The following SLC25A21 variants were observed in gnomAD, a reference collection of about 807,000 sequenced individuals.
SLC25A21 encodes mitochondrial 2-oxodicarboxylate carrier.
In SLC25A21, 47 loss-of-function variants were observed where a neutral mutation model predicts 43.8. The ratio of observed to expected loss-of-function variants is 1.07; its 90% CI spans 0.85 to 1.37. SLC25A21 has a LOEUF of 1.37. Ranked by LOEUF, SLC25A21 falls within the 40% of genes most tolerant of loss-of-function variation. SLC25A21 has a pLI of 0.00. For synonymous variants in SLC25A21, 131 were observed against 121.3 expected (o/e 1.08, Z -0.52); for missense variants, 352 against 350.2 (o/e 1.00, Z -0.04).
Position 36,847,134 on chromosome 14 carries a change from T to G in SLC25A21, c.119+27822A>C, listed in dbSNP as rs74717200. Among the ~76,000 whole-genome samples the G allele has an allele frequency of 2.7e-3, 410 of 152,326 alleles. 2 individuals are homozygous for G. Among genetic ancestry groups the G allele is most frequent in the African/African-American group, 9.4e-3 (391 of 41,580 alleles). On this transcript the variant is annotated intron_variant, in intron 2 of 9. Coordinates refer to ENST00000331299, the MANE Select transcript of SLC25A21 (RefSeq NM_030631.4). ...ATGATGAGTGCACCATATTACTTTTTAAAAATACAAAATATCTGAATTCTG... is the reference window on the plus strand; with the variant it reads ...ATGATGAGTGCACCATATTACTTTTGAAAAATACAAAATATCTGAATTCTG...
intron 1 of SLC25A21, among the ~76,000 whole-genome samples, chr14:37,039,082 T>C (rs1331842439): frequency 2.0e-5 from 3 of 152,146 alleles, no homozygotes; most frequent in Non-Finnish European, 4.4e-5. Context: ...GAACAGTTGC[T>C]AAGCAGCTAT....
At chr14:36,798,306 A>G (rs566528344) in intron 3 of SLC25A21, among the ~76,000 whole-genome samples, 4 of 152,316 alleles carry the variant, frequency 2.6e-5, no homozygotes, top group South Asian at 4.1e-4. Context: ...TTCTGTCTGG[A>G]AAGTCCCTTC....
intron 3 of SLC25A21, among the ~76,000 whole-genome samples, chr14:36,762,799 G>GC (rs1886212389): frequency 6.6e-6 from 1 of 152,180 alleles, no homozygotes; most frequent in African/African-American, 2.4e-5. Context: ...TTTGTAAAGA[G>GC]CTCACACCTG....
chr14:37,089,978 A>G (rs1448963184), intron 1 of SLC25A21, among the ~76,000 whole-genome samples: 1 of 152,202 alleles, frequency 6.6e-6, no homozygotes, highest in Non-Finnish European at 1.5e-5. Context: ...TAAAATGTGC[A>G]AAGAAACAGA....
chr14:37,042,896 C>T (rs1037737594), intron 1 of SLC25A21, among the ~76,000 whole-genome samples: 10 of 152,206 alleles, frequency 6.6e-5, no homozygotes, highest in Admixed American at 5.9e-4. Flanking sequence ...GCACTCCTGG[C>T]CCATATACTA....
rs1882414544 is a variant in SLC25A21, at chr14:36,684,007, C to A, written c.786-127G>T. On this transcript the variant is annotated intron_variant, in intron 8 of 9. Transcript: ENST00000331299. ...ATTTGGAATTACACACATCTCAAAGCAGACAGCATCTTAGTATTCTCTGCA... is the reference window on the plus strand; with the variant it reads ...ATTTGGAATTACACACATCTCAAAGAAGACAGCATCTTAGTATTCTCTGCA... 3 of 585,576 alleles carry A rather than the reference C, an allele frequency of 5.1e-6. No homozygotes were observed. In the South Asian group the frequency reaches 9.0e-5, roughly 18 times the overall value. 36.3% of individuals were successfully genotyped at this position (585,576 alleles called of 1,614,324 possible). A position where few individuals can be genotyped will look rare whatever the true frequency, so the allele number is the denominator to read the frequency against.
At chr14:36,969,745 G>A (rs1959709065) in intron 1 of SLC25A21, among the ~76,000 whole-genome samples, 1 of 151,852 alleles carries the variant, frequency 6.6e-6, no homozygotes, top group Non-Finnish European at 1.5e-5. Flanking sequence ...TACCTCCTTG[G>A]CCTCCCAAAA....
In SLC25A21 at chr14:36,680,523, T is replaced by C. The variant is rs1367378517; in HGVS notation, c.*135A>G. ...AGTTGCCTATAGACATTTTTTAAAGTATTAAAATAGATTTTGTTCTTGAAC... is the reference window on the plus strand; with the variant it reads ...AGTTGCCTATAGACATTTTTTAAAGCATTAAAATAGATTTTGTTCTTGAAC... On this transcript the variant is annotated 3_prime_UTR_variant, in exon 10 of 10. Coordinates refer to ENST00000331299, the MANE Select transcript of SLC25A21 (RefSeq NM_030631.4). 1.5e-6 allele frequency: 2 copies of C among 1,351,666 alleles called. No individual in the cohort carries two copies. Among genetic ancestry groups the C allele is most frequent in the Admixed American group, 3.0e-5 (1 of 33,846 alleles). The allele number at this position is 1,351,666 out of a possible 1,614,324, so 83.7% of individuals were successfully genotyped here.
At chr14:37,171,851 T>C (rs1964135049) in intron 1 of SLC25A21, 1 of 175,582 alleles carries the variant, frequency 5.7e-6, no homozygotes, top group Non-Finnish European at 1.2e-5. Context: ...GTAAGTACTT[T>C]GATGAGGAAT....
intron 1 of SLC25A21, among the ~76,000 whole-genome samples, chr14:37,059,705 G>T (rs1735201922): frequency 6.6e-6 from 1 of 152,198 alleles, no homozygotes; most frequent in Admixed American, 6.5e-5. Context: ...TTCTATAATG[G>T]AAGTTTTCAC....
At chr14:37,115,484 ACTC>A (rs1963091069) in intron 1 of SLC25A21, among the ~76,000 whole-genome samples, 1 of 151,944 alleles carries the variant, frequency 6.6e-6, no homozygotes, top group African/African-American at 2.4e-5. Context: ...AAAAGAGAAA[ACTC>A]TAATTTTTTA....
intron 2 of SLC25A21, among the ~76,000 whole-genome samples, chr14:36,847,396 T>C (rs890884863): frequency 2.6e-5 from 4 of 152,240 alleles, no homozygotes; most frequent in African/African-American, 9.6e-5. Flanking sequence ...AGTCATTGGT[T>C]CATTTTTTAG....
chr14:37,001,978 G>C (rs993050099), intron 1 of SLC25A21, among the ~76,000 whole-genome samples: 2 of 151,896 alleles, frequency 1.3e-5, no homozygotes, highest in Admixed American at 1.3e-4. Context: ...AGAAAATGTG[G>C]CATGAATAGT....
intron 1 of SLC25A21, among the ~76,000 whole-genome samples, chr14:37,012,698 G>A (rs1444775184): frequency 6.6e-6 from 1 of 152,152 alleles, no homozygotes; most frequent in Non-Finnish European, 1.5e-5. Context: ...GTGGTAAGCC[G>A]AATTTCCCCA....
At chr14:36,742,146 T>C (rs1002464741) in intron 3 of SLC25A21, among the ~76,000 whole-genome samples, 1 of 152,224 alleles carries the variant, frequency 6.6e-6, no homozygotes, top group African/African-American at 2.4e-5. Flanking sequence ...TATACTGAAA[T>C]ACAGATCTTG....
At chr14:36,762,288 G>C (rs959805834) in intron 3 of SLC25A21, among the ~76,000 whole-genome samples, 4 of 152,122 alleles carry the variant, frequency 2.6e-5, no homozygotes, top group African/African-American at 9.7e-5. Context: ...GAATTCTCAC[G>C]ATCACCCCAA....
chr14:36,684,960 G>A, intron 7 of SLC25A21, 35 bp from the exon 8 acceptor site: 1 of 1,569,700 alleles, frequency 6.4e-7, no homozygotes, highest in Non-Finnish European at 8.7e-7. Flanking sequence ...ACAGAAAGGG[G>A]AGCGGAAGCC....
intron 1 of SLC25A21, among the ~76,000 whole-genome samples, chr14:37,155,390 T>C (rs926641805): frequency 2.0e-5 from 3 of 152,186 alleles, no homozygotes; most frequent in Non-Finnish European, 2.9e-5. Flanking sequence ...AAAATAAGTC[T>C]AGCAGGAGAT....
chr14:37,098,207 TGTCTTTCTCTACTGTCATAACTTA>T (rs1337602324), intron 1 of SLC25A21: 1 of 152,250 alleles, frequency 6.6e-6, no homozygotes, highest in Non-Finnish European at 1.5e-5. Context: ...TTTCATCTAA[TGTCTTTCTCTACTGTCATAACTTA>T]GCCTGAGGTA....
Sources: allele counts gnomAD v4.1 joint callset (sites outside exome capture counted in the v4.1 genomes callset), GRCh38; gene constraint gnomAD v4.1.1; transcripts MANE v1.5; gene names NCBI Gene and HGNC (gene_info 2026-07-23, HGNC 2026-07-21).